ZNF385D: variants seen among roughly 807,000 people sequenced by gnomAD.
ZNF385D encodes zinc finger protein 385D, also known as zinc finger protein 659.
A neutral mutation model predicts 35.8 loss-of-function variants in ZNF385D; 15 were observed. That is an observed-to-expected ratio of 0.42 (90% CI 0.28 to 0.64). The LOEUF (loss-of-function observed/expected upper bound fraction) is 0.64. ZNF385D is among the 30% of genes least tolerant of loss of function. ZNF385D has a pLI of 0.23. For synonymous variants in ZNF385D, 212 were observed against 186.8 expected (o/e 1.13, Z -1.10); for missense variants, 474 against 494.6 (o/e 0.96, Z 0.39).
intron 3 of ZNF385D, among the ~76,000 whole-genome samples, chr3:21,802,474 T>C (rs1291594145): frequency 6.6e-6 from 1 of 152,098 alleles, no homozygotes; most frequent in African/African-American, 2.4e-5. Context: ...AACAGACATC[T>C]CCAAGTAAAT....
At chr3:22,184,451 A>C (rs542676821) in intron 2 of ZNF385D, among the ~76,000 whole-genome samples, 1 of 152,264 alleles carries the variant, frequency 6.6e-6, no homozygotes, top group Non-Finnish European at 1.5e-5. Context: ...TGTGTGTGCT[A>C]ATGTATAAAA....
chr3:21,991,615 C>CTAA (rs1695153437), intron 3 of ZNF385D, among the ~76,000 whole-genome samples: 1 of 152,152 alleles, frequency 6.6e-6, no homozygotes, highest in African/African-American at 2.4e-5. Flanking sequence ...AGCACGACAG[C>CTAA]TAATAAGACA....
chr3:21,885,732 G>A (rs1698506052), intron 3 of ZNF385D, among the ~76,000 whole-genome samples: 1 of 88,728 alleles, frequency 1.1e-5, no homozygotes, highest in Non-Finnish European at 2.3e-5. Flanking sequence ...AACAGGGTGT[G>A]TCTGTGTCTG....
intron 3 of ZNF385D, among the ~76,000 whole-genome samples, chr3:22,004,001 C>T (rs1696032494): frequency 6.6e-6 from 1 of 151,556 alleles, no homozygotes; most frequent in Non-Finnish European, 1.5e-5. Flanking sequence ...TTAAAATATA[C>T]TATAAAGTTA....
chr3:21,924,380 A>G (rs13091957), intron 3 of ZNF385D, among the ~76,000 whole-genome samples: 80,914 of 151,884 alleles, frequency 0.53, 23,612 homozygotes, highest in Non-Finnish European at 0.66. Flanking sequence ...TCCCAAAGAC[A>G]TCAAAGAGTG....
rs1037695365 is a variant in ZNF385D at position 21,625,618 on chromosome 3, G to C, written c.165+39268C>G. On this transcript the variant is annotated intron_variant, in intron 2 of 7. Coordinates refer to ENST00000281523, the MANE Select transcript of ZNF385D (RefSeq NM_024697.3). ...CCATAACTTTAGTCCTTGGCAAATA[G>C]CAAAGTGTTCAGAACTTACTTTTTT... 3.9e-5 allele frequency among the ~76,000 whole-genome samples: 6 copies of C among 152,154 alleles called. No homozygotes were observed. In the South Asian group the frequency reaches 1.2e-3, roughly 32 times the overall value.
Position 21,417,674 on chromosome 3 carries a change from C to T in ZNF385D, c.*3540G>A, listed in dbSNP as rs1038769920. ...TGTGCCTTAGAAACTCAAATAGGCA[C>T]AGCCTCTTTGATTCTATTTTGAAAC... On this transcript the variant is annotated 3_prime_UTR_variant, in exon 8 of 8. Transcript: ENST00000281523. The T allele has an allele frequency of 6.6e-6, 1 of 152,102 alleles. No homozygotes were observed. The highest frequency in any genetic ancestry group is 2.4e-5 in the African/African-American group (1 of 41,440). 9.4% of individuals were successfully genotyped at this position (152,102 alleles called of 1,614,324 possible). A position where few individuals can be genotyped will look rare whatever the true frequency, so the allele number is the denominator to read the frequency against.
intron 3 of ZNF385D, among the ~76,000 whole-genome samples, chr3:21,928,451 G>C (rs995715015): frequency 6.6e-6 from 1 of 151,472 alleles, no homozygotes; most frequent in Non-Finnish European, 1.5e-5. Flanking sequence ...GGGAGAGAGC[G>C]AAGGAATCAC....
intron 2 of ZNF385D, among the ~76,000 whole-genome samples, chr3:21,620,161 C>T (rs1037903329): frequency 5.9e-5 from 9 of 152,138 alleles, no homozygotes; most frequent in African/African-American, 1.2e-4. Context: ...TACAAAGTAA[C>T]GAAGTGTACA....
intron 1 of ZNF385D, among the ~76,000 whole-genome samples, chr3:21,673,250 A>G (rs1186737256): frequency 6.6e-6 from 1 of 152,196 alleles, no homozygotes; most frequent in African/African-American, 2.4e-5. Context: ...TAAAATTAGT[A>G]CAATAAAAAA....
At chr3:22,200,955 G>C (rs1221789543) in intron 2 of ZNF385D, among the ~76,000 whole-genome samples, 1 of 152,070 alleles carries the variant, frequency 6.6e-6, no homozygotes, top group Non-Finnish European at 1.5e-5. Context: ...AAGGTGTCCA[G>C]ATTTCATATT....
chr3:22,211,423 G>C (rs574038065), intron 2 of ZNF385D, among the ~76,000 whole-genome samples: 3 of 151,840 alleles, frequency 2.0e-5, no homozygotes, highest in African/African-American at 7.2e-5. Flanking sequence ...CACTGCAGAG[G>C]TCACAGATCT....
intron 2 of ZNF385D, among the ~76,000 whole-genome samples, chr3:22,349,223 TAAAC>T (rs1322456453): frequency 6.6e-6 from 1 of 152,142 alleles, no homozygotes; most frequent in Non-Finnish European, 1.5e-5. Context: ...GCCCATGAAA[TAAAC>T]AAGCAAATAC....
chr3:22,116,780 C>G (rs1702832252), intron 3 of ZNF385D, among the ~76,000 whole-genome samples: 1 of 151,952 alleles, frequency 6.6e-6, no homozygotes, highest in Admixed American at 6.6e-5. Flanking sequence ...GTGACAATAT[C>G]CTCAAAATTA....
At chr3:22,369,090 A>G (rs1696786887) in intron 2 of ZNF385D, among the ~76,000 whole-genome samples, 1 of 152,150 alleles carries the variant, frequency 6.6e-6, no homozygotes, top group Non-Finnish European at 1.5e-5. Flanking sequence ...CCTTGTCAGA[A>G]AACTAAGAAG....
chr3:22,136,800 C>G (rs1451145806), intron 3 of ZNF385D, among the ~76,000 whole-genome samples: 1 of 152,026 alleles, frequency 6.6e-6, no homozygotes, highest in African/African-American at 2.4e-5. Flanking sequence ...ATGGAGGAAA[C>G]TTAAGTGCAT....
At chr3:22,011,390 G>C (rs1252182465) in intron 3 of ZNF385D, among the ~76,000 whole-genome samples, 1 of 152,022 alleles carries the variant, frequency 6.6e-6, no homozygotes, top group African/African-American at 2.4e-5. Flanking sequence ...GTGGTAAACT[G>C]TCCCAAGAGT....
At chr3:21,712,649 G>GA (rs1438850060) in intron 1 of ZNF385D, among the ~76,000 whole-genome samples, 11 of 152,224 alleles carry the variant, frequency 7.2e-5, no homozygotes, top group Non-Finnish European at 1.3e-4. Context: ...GTTTCATGCA[G>GA]AAAAAAATGA....
chr3:21,866,082 T>C (rs563515288), intron 3 of ZNF385D, among the ~76,000 whole-genome samples: 5 of 152,140 alleles, frequency 3.3e-5, no homozygotes, highest in South Asian at 2.1e-4. Flanking sequence ...AATATACATA[T>C]ATACACTGTT....
Sources: gnomAD v4.1 joint callset for allele counts (sites outside exome capture counted in the v4.1 genomes callset) on GRCh38, gnomAD v4.1.1 for gene constraint, MANE v1.5 for transcripts, NCBI Gene and HGNC (gene_info 2026-07-23, HGNC 2026-07-21) for gene names.